Variants in TMEM132C observed in about 807,000 individuals in gnomAD.
The protein encoded by TMEM132C is transmembrane protein 132C, also known as protein phosphatase 1, regulatory subunit 152.
A neutral mutation model predicts 61.4 loss-of-function variants in TMEM132C; 29 were observed. That is an observed-to-expected ratio of 0.47 (90% CI 0.35 to 0.64). The LOEUF (loss-of-function observed/expected upper bound fraction) is 0.64, where lower values mean the gene tolerates loss of function less well. Ranked by LOEUF, TMEM132C falls within the 30% of genes least tolerant of loss-of-function variation. The pLI, the probability that TMEM132C is intolerant of heterozygous loss-of-function variation, is 0.00. For synonymous variants in TMEM132C, 656 were observed against 633.1 expected (o/e 1.04, Z -0.54); for missense variants, 1,408 against 1,476.9 (o/e 0.95, Z 0.76).
At chr12:128,485,296 C>G (rs1871448190) in intron 2 of TMEM132C, among the ~76,000 whole-genome samples, 1 of 152,198 alleles carries the variant, frequency 6.6e-6, no homozygotes. Flanking sequence ...CCTGCCTCAG[C>G]CTCCCGAGTA....
intron 3 of TMEM132C, among the ~76,000 whole-genome samples, chr12:128,546,350 T>C (rs77093443): frequency 0.07 from 10,632 of 152,240 alleles, 805 homozygotes; most frequent in African/African-American, 0.19. Flanking sequence ...TGAAAGCGAA[T>C]GTGTTCATTA....
rs1870751329 is a variant in TMEM132C, at chr12:128,278,066, G to A, written c.85+10579G>A. Among the ~76,000 whole-genome samples, 1 of 152,046 alleles carries A rather than the reference G, an allele frequency of 6.6e-6. No homozygotes were observed. Among genetic ancestry groups the A allele is most frequent in the African/African-American group, 2.4e-5 (1 of 41,406 alleles). ...TCAGGTGCTCACCCCCAGGACTGTG[G>A]GATCCCTGGGCTGAGTTGCTAAAGC... On this transcript the variant is annotated intron_variant, in intron 1 of 8. Transcript: ENST00000435159. This position sits in a 1 kb window ranked among gnomAD's most constrained non-coding sequence, Gnocchi z 4.2.
At chr12:128,541,027 G>GTCTCTCTCTCTCTC (rs71449354) in intron 2 of TMEM132C, among the ~76,000 whole-genome samples, 86 of 149,800 alleles carry the variant, frequency 5.7e-4, no homozygotes, top group Middle Eastern at 3.4e-3. Context: ...CTCTTTCTCT[G>GTCTCTCTCTCTCTC]TCTCTCTCTC....
chr12:128,291,996 C>T (rs1353954376), intron 1 of TMEM132C, among the ~76,000 whole-genome samples: 1 of 152,124 alleles, frequency 6.6e-6, no homozygotes, highest in Admixed American at 6.5e-5. Context: ...CCCTGGAAAC[C>T]CCCTGGGACC....
intron 4 of TMEM132C, among the ~76,000 whole-genome samples, chr12:128,664,389 A>G (rs1954436252): frequency 6.6e-6 from 1 of 152,250 alleles, no homozygotes; most frequent in South Asian, 2.1e-4. Flanking sequence ...ATTTGAAATG[A>G]CCATGATTTA....
intron 2 of TMEM132C, among the ~76,000 whole-genome samples, chr12:128,469,282 G>A (rs1870850484): frequency 1.3e-5 from 2 of 151,090 alleles, no homozygotes; most frequent in Admixed American, 1.3e-4. Flanking sequence ...TTATGACTCA[G>A]ATCATATATA....
At chr12:128,497,863 A>T (rs936626263) in intron 2 of TMEM132C, among the ~76,000 whole-genome samples, 1 of 152,074 alleles carries the variant, frequency 6.6e-6, no homozygotes, top group African/African-American at 2.4e-5. Context: ...AGCCCCAGTG[A>T]GATGAACCCG....
chr12:128,375,271 G>A (rs534641601), intron 1 of TMEM132C, among the ~76,000 whole-genome samples: 1 of 152,244 alleles, frequency 6.6e-6, no homozygotes, highest in African/African-American at 2.4e-5. Context: ...GGCCACGGGA[G>A]GGCTCCTCTG....
At chr12:128,347,908 C>T (rs1234678255) in intron 1 of TMEM132C, among the ~76,000 whole-genome samples, 1 of 152,182 alleles carries the variant, frequency 6.6e-6, no homozygotes, top group African/African-American at 2.4e-5. Context: ...TTATTCAAGA[C>T]TGTTTTGGCT....
At chr12:128,658,669 G>T (rs1954355402) in intron 4 of TMEM132C, among the ~76,000 whole-genome samples, 1 of 152,178 alleles carries the variant, frequency 6.6e-6, no homozygotes, top group Non-Finnish European at 1.5e-5. Context: ...CAGGGAACCG[G>T]ATGCTTTCAG....
chr12:128,443,534 T>C (rs566915385), intron 2 of TMEM132C, among the ~76,000 whole-genome samples: 2 of 152,344 alleles, frequency 1.3e-5, no homozygotes, highest in East Asian at 1.9e-4. Context: ...TTTTATAATA[T>C]GTTTTGAAAA....
intron 2 of TMEM132C, among the ~76,000 whole-genome samples, chr12:128,427,990 G>A (rs1051827380): frequency 6.6e-6 from 1 of 152,228 alleles, no homozygotes; most frequent in Non-Finnish European, 1.5e-5. Context: ...CTGCCAGGAT[G>A]GGACCTGTCG....
intron 2 of TMEM132C, among the ~76,000 whole-genome samples, chr12:128,526,235 A>G (rs1439872526): frequency 1.3e-5 from 2 of 152,238 alleles, no homozygotes; most frequent in East Asian, 1.9e-4. Context: ...AGAAAACACC[A>G]TAGGCTGGGT....
chr12:128,584,416 C>T (rs1875463119), intron 3 of TMEM132C, among the ~76,000 whole-genome samples: 1 of 152,204 alleles, frequency 6.6e-6, no homozygotes, highest in South Asian at 2.1e-4. Flanking sequence ...AACCATAGCA[C>T]TTTGCACACA....
chr12:128,624,515 A>T (rs538597395), intron 4 of TMEM132C, among the ~76,000 whole-genome samples: 29 of 144,594 alleles, frequency 2.0e-4, no homozygotes, highest in African/African-American at 7.4e-4. Context: ...TTGCACTCCA[A>T]CCTGGGTGAT....
intron 5 of TMEM132C, among the ~76,000 whole-genome samples, chr12:128,673,871 A>G (rs886991139): frequency 6.6e-6 from 1 of 152,234 alleles, no homozygotes; most frequent in African/African-American, 2.4e-5. Context: ...GCCAGCATAT[A>G]GTAAGGGCTT....
At chr12:128,509,297 G>T (rs1424758923) in intron 2 of TMEM132C, among the ~76,000 whole-genome samples, 1 of 152,160 alleles carries the variant, frequency 6.6e-6, no homozygotes, top group Non-Finnish European at 1.5e-5. Flanking sequence ...AGGGGAAAGA[G>T]CGGGCGGGAG....
At chr12:128,689,429 G>A (rs1340016641) in intron 5 of TMEM132C, among the ~76,000 whole-genome samples, 2 of 152,206 alleles carry the variant, frequency 1.3e-5, no homozygotes, top group African/African-American at 4.8e-5. Flanking sequence ...CCTTGCAGAT[G>A]TGAAGCGGGA....
intron 4 of TMEM132C, among the ~76,000 whole-genome samples, chr12:128,660,612 T>C (rs1321053204): frequency 2.0e-5 from 3 of 152,206 alleles, no homozygotes; most frequent in Admixed American, 2.0e-4. Context: ...TGCAGTCACT[T>C]TCCCAGCATA....
Sources: allele counts gnomAD v4.1 joint callset (sites outside exome capture counted in the v4.1 genomes callset), GRCh38; gene constraint gnomAD v4.1.1; non-coding constraint Gnocchi (gnomAD v3.1); transcripts MANE v1.5; gene names NCBI Gene and HGNC (gene_info 2026-07-23, HGNC 2026-07-21).